MAP2: variants seen among roughly 807,000 people sequenced by gnomAD.
MAP2 encodes microtubule-associated protein 2.
A neutral mutation model predicts 137.6 loss-of-function variants in MAP2; 14 were observed. That is an observed-to-expected ratio of 0.10 (90% CI 0.07 to 0.16). The LOEUF is 0.16. Among genes scored for constraint, MAP2 ranks in the 10% least tolerant of loss-of-function variants. MAP2 has a pLI of 1.00. For missense variants in MAP2, 2,088 were observed against 2,191.5 expected (o/e 0.95, Z 0.94); for synonymous variants, 786 against 782.3 (o/e 1.00, Z -0.08).
intron 5 of MAP2, chr2:209,661,805 G>T (rs1029211400): frequency 5.0e-6 from 2 of 403,130 alleles, no homozygotes; most frequent in African/African-American, 4.4e-5. Flanking sequence ...CCTAATTTAG[G>T]GCTAGCTTAT....
intron 3 of MAP2, among the ~76,000 whole-genome samples, chr2:209,590,342 A>T: frequency 6.6e-6 from 1 of 150,718 alleles, no homozygotes; most frequent in South Asian, 2.1e-4. Context: ...CAAATTAAGA[A>T]TTTTTTTTTT....
intron 3 of MAP2, among the ~76,000 whole-genome samples, chr2:209,606,872 T>C (rs1310954754): frequency 1.3e-5 from 2 of 152,182 alleles, no homozygotes; most frequent in Admixed American, 1.3e-4. Flanking sequence ...ATGTTTGATA[T>C]CTGTATTTTA....
intron 2 of MAP2, among the ~76,000 whole-genome samples, chr2:209,561,407 T>G (rs1210552562): frequency 6.6e-6 from 1 of 152,048 alleles, no homozygotes; most frequent in Non-Finnish European, 1.5e-5. Context: ...CGTAGAAAAA[T>G]TCAGGCTCAT....
At chr2:209,684,600 T>C (rs991532473) in intron 7 of MAP2, 1 of 152,216 alleles carries the variant, frequency 6.6e-6, no homozygotes, top group African/African-American at 2.4e-5. Flanking sequence ...AAATGCTTTA[T>C]TTAAAAGAAA....
intron 2 of MAP2, among the ~76,000 whole-genome samples, chr2:209,540,724 T>C (rs1347044629): frequency 2.1e-5 from 3 of 143,078 alleles, no homozygotes; most frequent in Non-Finnish European, 4.5e-5. Flanking sequence ...ACTAAATATA[T>C]ATAGGGTTGT....
intron 13 of MAP2, chr2:209,723,836 C>A: frequency 1.7e-6 from 1 of 571,796 alleles, no homozygotes; most frequent in Admixed American, 2.9e-5. Context: ...AGCTTGTAGC[C>A]TTGCATTTTC....
At chr2:209,690,082 C>G (rs1267295928) in intron 7 of MAP2, among the ~76,000 whole-genome samples, 1 of 151,942 alleles carries the variant, frequency 6.6e-6, no homozygotes, top group Non-Finnish European at 1.5e-5. Flanking sequence ...TTTTTATTCC[C>G]AAAGATTTCT....
At chr2:209,577,757 C>T (rs1289343244) in intron 2 of MAP2, among the ~76,000 whole-genome samples, 2 of 151,994 alleles carry the variant, frequency 1.3e-5, no homozygotes, top group African/African-American at 4.8e-5. Flanking sequence ...ATAATGAGGC[C>T]AGTAATGATA....
chr2:209,662,548 C>A (rs998153281), intron 5 of MAP2, among the ~76,000 whole-genome samples: 3 of 151,966 alleles, frequency 2.0e-5, no homozygotes, highest in Non-Finnish European at 4.4e-5. Flanking sequence ...CCCATTTTTT[C>A]CAAGATCTTG....
At chr2:209,601,977 G>T (rs989481312) in intron 3 of MAP2, among the ~76,000 whole-genome samples, 17 of 152,242 alleles carry the variant, frequency 1.1e-4, no homozygotes, top group African/African-American at 3.9e-4. Flanking sequence ...AAGCTTCAAG[G>T]TCTGTTTTAA....
Position 209,469,408 on chromosome 2 carries a change from C to T in MAP2, c.-221-38184C>T, listed in dbSNP as rs531872334. ...CCAAAATATGCTTAGTTCTCTAAAA[C>T]ATTTCTGATGTAATTTTTTTTTATA... On this transcript the variant is annotated intron_variant, in intron 1 of 15. Transcript: ENST00000682079. Among the ~76,000 whole-genome samples the T allele has an allele frequency of 2.6e-5, 4 of 152,264 alleles. No homozygotes were observed. In the South Asian group the frequency reaches 8.3e-4, roughly 32 times the overall value.
At chr2:209,723,795 A>G (rs2072554016) in intron 13 of MAP2, 8 of 716,784 alleles carry the variant, frequency 1.1e-5, no homozygotes, top group Non-Finnish European at 1.7e-5. Flanking sequence ...CTCCTTTCTC[A>G]CTGCTGTTCC....
At chr2:209,491,473 A>G (rs902024150) in intron 1 of MAP2, among the ~76,000 whole-genome samples, 2 of 152,116 alleles carry the variant, frequency 1.3e-5, no homozygotes, top group African/African-American at 2.4e-5. Context: ...AGAGAGAGAC[A>G]TGAAACACCC....
At chr2:209,713,943 C>T (rs531491528) in intron 13 of MAP2, among the ~76,000 whole-genome samples, 71 of 152,122 alleles carry the variant, frequency 4.7e-4, no homozygotes, top group African/African-American at 1.7e-3. Flanking sequence ...AATCCCAGCA[C>T]TTTGGGAGGC....
intron 3 of MAP2, among the ~76,000 whole-genome samples, chr2:209,621,951 C>G (rs2091313616): frequency 6.6e-6 from 1 of 152,280 alleles, no homozygotes. Context: ...TTTTGGGTTC[C>G]TCATTAAATG....
At chr2:209,609,533 A>T (rs2086091086) in intron 3 of MAP2, among the ~76,000 whole-genome samples, 1 of 151,876 alleles carries the variant, frequency 6.6e-6, no homozygotes, top group East Asian at 1.9e-4. Context: ...CCTCTAATCT[A>T]CTCTCTATGG....
At chr2:209,580,997 C>T (rs1464559822) in intron 3 of MAP2, among the ~76,000 whole-genome samples, 1 of 152,092 alleles carries the variant, frequency 6.6e-6, no homozygotes, top group African/African-American at 2.4e-5. Context: ...TATAATATTT[C>T]CTCTCAAGAC....
intron 2 of MAP2, among the ~76,000 whole-genome samples, chr2:209,577,667 G>A (rs2075567852): frequency 6.6e-6 from 1 of 152,088 alleles, no homozygotes; most frequent in African/African-American, 2.4e-5. Flanking sequence ...TGGTAACCCA[G>A]GAAAGTTTAA....
chr2:209,459,138 G>T (rs1702189607), intron 1 of MAP2, among the ~76,000 whole-genome samples: 1 of 152,124 alleles, frequency 6.6e-6, no homozygotes, highest in African/African-American at 2.4e-5. Context: ...CTAATTAAGA[G>T]AATGAGTTAT....
Sources: gnomAD v4.1 joint callset for allele counts (sites outside exome capture counted in the v4.1 genomes callset) on GRCh38, gnomAD v4.1.1 for gene constraint, MANE v1.5 for transcripts, NCBI Gene and HGNC (gene_info 2026-07-23, HGNC 2026-07-21) for gene names.